Variants in APBB1 observed in about 807,000 individuals in gnomAD.
The protein encoded by APBB1 is adaptor protein FE65a2.
A neutral mutation model predicts 78.4 loss-of-function variants in APBB1; 22 were observed. That is an observed-to-expected ratio of 0.28 (90% CI 0.20 to 0.40). The LOEUF (loss-of-function observed/expected upper bound fraction) is 0.40. Among genes scored for constraint, APBB1 ranks in the 10% least tolerant of loss-of-function variants. The probability of loss-of-function intolerance (pLI) is 1.00; values close to 1 mark genes in which losing one functional copy is unlikely to be tolerated. For missense variants in APBB1, 749 were observed against 932.4 expected (o/e 0.80, Z 2.56); for synonymous variants, 369 against 372.7 (o/e 0.99, Z 0.12).
chr11:6,411,625 C>T lies in APBB1; in HGVS notation c.-14-264G>A, dbSNP rs1244788068. Among the ~76,000 whole-genome samples, 3 of 152,066 alleles carry T rather than the reference C, an allele frequency of 2.0e-5. No homozygotes were observed. Among genetic ancestry groups the T allele is most frequent in the African/African-American group, 7.2e-5 (3 of 41,396 alleles). ...CTTTCTGGGATGGCACAGCTGGCGC[C>T]TGCCCTCGGTCCCACCAGCAAGGCC... is the stretch of plus-strand genomic sequence containing the variant. On this transcript the variant is annotated intron_variant, in intron 1 of 14. Coordinates refer to ENST00000609360, the MANE Select transcript of APBB1 (RefSeq NM_001164.5). The surrounding 1 kb of genome is among the most constrained non-coding windows in gnomAD (Gnocchi z 5.2).
At position 6,403,568 on chromosome 11, in the gene APBB1, G is replaced by A; in HGVS notation, c.898-24C>T. The A allele has an allele frequency of 1.9e-6, 3 of 1,610,608 alleles. No homozygotes were observed. Among genetic ancestry groups the A allele is most frequent in the African/African-American group, 1.3e-5 (1 of 75,028 alleles). ...AGCTAGGAGGAGGGATGGGAGTAGTGAGTGAGTGTCCTATCCTACTCCAGC... is the reference window on the plus strand; with the variant it reads ...AGCTAGGAGGAGGGATGGGAGTAGTAAGTGAGTGTCCTATCCTACTCCAGC... On this transcript the variant is annotated intron_variant, in intron 3 of 14. Coordinates refer to ENST00000609360, the MANE Select transcript of APBB1 (RefSeq NM_001164.5). This position sits in a 1 kb window ranked among gnomAD's most constrained non-coding sequence, Gnocchi z 5.3.
rs764141140 is a variant in APBB1, at chr11:6,401,002, A to G, written c.1659T>C (p.Val553=). The change falls in exon 12 of 15, where the codon GTT becomes GTC. Residue 553 remains valine (V), a synonymous_variant. Transcript: ENST00000609360. This position sits in a 1 kb window ranked among gnomAD's most constrained non-coding sequence, Gnocchi z 4.5. ...GGACACACATACCAACAGGTTTAGC[A>G]ACAGGTACATTCCCCAGGTAATAGA... ...FQVYYLGNVP[V]AKPVGVDVIN... 5 of 1,614,028 alleles carry G rather than the reference A, an allele frequency of 3.1e-6. No homozygotes were observed. The Admixed American group carries it at 8.3e-5, about 27-fold the overall frequency.
At chr11:6,415,165 T>C (rs898509323) in intron 1 of APBB1, among the ~76,000 whole-genome samples, 7 of 152,352 alleles carry the variant, frequency 4.6e-5, no homozygotes, top group East Asian at 3.9e-4. Context: ...TCCCCTCTCA[T>C]TGGAGTTACC....
At chr11:6,413,840 T>C (rs1849046718) in intron 1 of APBB1, among the ~76,000 whole-genome samples, 3 of 152,136 alleles carry the variant, frequency 2.0e-5, no homozygotes, top group African/African-American at 7.2e-5. Flanking sequence ...ATCTGTAAGA[T>C]GAAAAAGGTT....
chr11:6,405,972 T>A (rs574606256), intron 2 of APBB1, among the ~76,000 whole-genome samples: 1 of 152,192 alleles, frequency 6.6e-6, no homozygotes, highest in South Asian at 2.1e-4. Context: ...CAGTTCACCA[T>A]CTCCTGACTG....
In APBB1 at chr11:6,403,564, TAGTG is replaced by T. The variant is rs752648100; in HGVS notation, c.898-24_898-21del. On this transcript the variant is annotated intron_variant, in intron 3 of 14. Coordinates refer to ENST00000609360, the MANE Select transcript of APBB1 (RefSeq NM_001164.5). The surrounding 1 kb of genome is among the most constrained non-coding windows in gnomAD (Gnocchi z 5.3). ...GGTGAGCTAGGAGGAGGGATGGGAG[TAGTG>T]AGTGAGTGTCCTATCCTACTCCAGC... 1,736 of 1,613,644 alleles carry T rather than the reference TAGTG, an allele frequency of 1.1e-3. 3 individuals carry two copies. Among genetic ancestry groups the T allele is most frequent in the Non-Finnish European group, 1.3e-3 (1,523 of 1,179,894 alleles).
Position 6,403,674 on chromosome 11 carries a change from C to A in APBB1, c.870G>T (p.Gln290His). ...WEPPGRASPS[Q>H]GSSPQEESQL... ...GGGACTCCTCTTGGGGGCTGCTCCC[C>A]TGTGAGGGGGAGGCCCGGCCGGGGG... The change falls in exon 3 of 15, where the codon CAG becomes CAT. Residue 290 changes from glutamine to histidine, a missense_variant. Physicochemically the swap from Gln to His is conservative, Grantham distance 24 (BLOSUM62 0). This residue lies in a region of APBB1 where 635 missense variants were observed against 765.0 expected (regional missense o/e 0.83). Coordinates refer to ENST00000609360, the MANE Select transcript of APBB1 (RefSeq NM_001164.5). This position sits in a 1 kb window ranked among gnomAD's most constrained non-coding sequence, Gnocchi z 5.3. The A allele has an allele frequency of 1.2e-6, 2 of 1,608,312 alleles. No homozygotes were observed. The highest frequency in any genetic ancestry group is 8.5e-7 in the Non-Finnish European group (1 of 1,176,640).
At chr11:6,408,471 A>G (rs1848875281) in intron 2 of APBB1, among the ~76,000 whole-genome samples, 1 of 151,808 alleles carries the variant, frequency 6.6e-6, no homozygotes, top group Non-Finnish European at 1.5e-5. Flanking sequence ...CCTGGGCAAC[A>G]TGGTGAGACA....
intron 2 of APBB1, chr11:6,404,485 C>T (rs1202608782): frequency 8.2e-7 from 1 of 1,216,894 alleles, no homozygotes; most frequent in Non-Finnish European, 1.1e-6. Context: ...CAGGCGGACC[C>T]ACACTCAGAC....
At position 6,401,273 on chromosome 11, in the gene APBB1, T is replaced by G; in HGVS notation, c.1588+72A>C. 4 of 1,613,352 alleles carry G rather than the reference T, an allele frequency of 2.5e-6. No homozygotes were observed. The highest frequency in any genetic ancestry group is 3.4e-6 in the Non-Finnish European group (4 of 1,179,656). On this transcript the variant is annotated intron_variant, in intron 11 of 14. Coordinates refer to ENST00000609360, the MANE Select transcript of APBB1 (RefSeq NM_001164.5). The surrounding 1 kb of genome is among the most constrained non-coding windows in gnomAD (Gnocchi z 4.5). Reference sequence around the variant, plus strand: ...TTTTCTATCAGCGCTGTCCAGGAGCTCATGCCTTTCCTTGGGTCACCCACC... The same window carrying G: ...TTTTCTATCAGCGCTGTCCAGGAGCGCATGCCTTTCCTTGGGTCACCCACC...
At chr11:6,413,234 C>T (rs1415719127) in intron 1 of APBB1, among the ~76,000 whole-genome samples, 7 of 152,146 alleles carry the variant, frequency 4.6e-5, no homozygotes, top group Non-Finnish European at 1.0e-4. Flanking sequence ...TCTCCTCCCT[C>T]GATGGCCTCA....
chr11:6,405,131 A>C, intron 2 of APBB1: 1 of 1,284,050 alleles, frequency 7.8e-7, no homozygotes, highest in Non-Finnish European at 9.9e-7. Flanking sequence ...TCCAGTGGTT[A>C]CCTCAGTGCC....
chr11:6,402,557 C>T lies in APBB1; in HGVS notation c.1254+19G>A, dbSNP rs750024177. 6.2e-7 allele frequency: 1 copy of T among 1,612,438 alleles called. No homozygotes were observed. Among genetic ancestry groups the T allele is most frequent in the Admixed American group, 1.7e-5 (1 of 60,010 alleles). On this transcript the variant is annotated intron_variant, in intron 7 of 14. Transcript: ENST00000609360. ...ACACTCTCACAGTACCACCCCCTACCCCCGGCTCAGGTCCTTACTTCCCCC... is the reference window on the plus strand; with the variant it reads ...ACACTCTCACAGTACCACCCCCTACTCCCGGCTCAGGTCCTTACTTCCCCC...
At chr11:6,407,271 C>T (rs1848835024) in intron 2 of APBB1, among the ~76,000 whole-genome samples, 1 of 152,146 alleles carries the variant, frequency 6.6e-6, no homozygotes, top group African/African-American at 2.4e-5. Flanking sequence ...CTTGAGAATC[C>T]TCTTGCCACT....
rs950252038 is a variant in APBB1, at chr11:6,396,137, C to T, written c.1751G>A (p.Ser584Asn). Residue 584 changes from serine (S) to asparagine (N), a missense_variant, in exon 13 of 15, where the codon AGT becomes AAT. By Grantham distance (46) the Ser-to-Asn change is conservative. This residue lies in a region of APBB1 where 635 missense variants were observed against 765.0 expected (regional missense o/e 0.83). Coordinates refer to ENST00000609360, the MANE Select transcript of APBB1 (RefSeq NM_001164.5). ...GATGGTGAGGGTAGCAGGGGCCACA[C>T]TGACATGACTTGGGGTCCATTGTTC... Reference protein sequence around the residue: ...SREQWTPSHVSVAPATLTILH... With the variant: ...SREQWTPSHVNVAPATLTILH... 3.2e-6 allele frequency: 5 copies of T among 1,554,646 alleles called. No homozygotes were observed. Among genetic ancestry groups the T allele is most frequent in the Non-Finnish European group, 3.5e-6 (4 of 1,148,788 alleles).
chr11:6,405,101 C>A, intron 2 of APBB1: 1 of 1,353,980 alleles, frequency 7.4e-7, no homozygotes, highest in South Asian at 1.7e-5. Context: ...CTCCCCCAAT[C>A]CTGAATCTCC....
rs1848642647 is a variant in APBB1, at chr11:6,403,517, C to T, written c.925G>A (p.Glu309Lys). The T allele has an allele frequency of 1.2e-6, 2 of 1,614,246 alleles. No individual in the cohort carries two copies. Among genetic ancestry groups the T allele is most frequent in the Non-Finnish European group, 1.7e-6 (2 of 1,180,042 alleles). ...QLTWTGFAHGEGFEDGEFWKD... is the reference protein window; with the variant it reads ...QLTWTGFAHGKGFEDGEFWKD... ...CAAAATTCTCCATCCTCAAAGCCTT[C>T]TCCATGAGCAAAACCTGTCCAGGTG... The change falls in exon 4 of 15, where the codon GAA becomes AAA. Residue 309 changes from glutamate to lysine, a missense_variant. Physicochemically the swap from Glu to Lys is moderately conservative, Grantham distance 56. Around this residue, in one of 3 missense-constraint regions of APBB1, gnomAD observed 635 missense variants for 765.0 expected, o/e 0.83. Transcript: ENST00000609360. The surrounding 1 kb of genome is among the most constrained non-coding windows in gnomAD (Gnocchi z 5.3).
At chr11:6,408,505 TTC>T (rs1431827903) in intron 2 of APBB1, among the ~76,000 whole-genome samples, 9 of 151,038 alleles carry the variant, frequency 6.0e-5, no homozygotes, top group African/African-American at 1.7e-4. Flanking sequence ...TTTTTTTTCC[TTC>T]TTTTTTTTTT....
rs747668010 is a variant in APBB1, at chr11:6,407,869, TC to T, written c.721+2757del. ...ATCTCGGCTCACTGCAAGCTCCGCT[TC>T]CCGGGTTCACGCCATTCTCCTGCCT... On this transcript the variant is annotated intron_variant, in intron 2 of 14. Coordinates refer to ENST00000609360, the MANE Select transcript of APBB1 (RefSeq NM_001164.5). 2.8e-4 allele frequency among the ~76,000 whole-genome samples: 42 copies of T among 151,476 alleles called. No individual in the cohort carries two copies. In the East Asian group the frequency reaches 7.9e-3, roughly 29 times the overall value.
Sources: gnomAD v4.1 joint callset for allele counts (sites outside exome capture counted in the v4.1 genomes callset) on GRCh38, gnomAD v4.1.1 for gene constraint, gnomAD v4.1.1 regional missense constraint, Gnocchi (gnomAD v3.1) non-coding constraint, MANE v1.5 for transcripts, NCBI Gene and HGNC (gene_info 2026-07-23, HGNC 2026-07-21) for gene names.